Variants in MOV10L1 observed in about 807,000 individuals in gnomAD.
MOV10L1 encodes Mov10 like RNA helicase 1, also known as RNA helicase Mov10l1.
A neutral mutation model predicts 143.8 loss-of-function variants in MOV10L1; 110 were observed. That is an observed-to-expected ratio of 0.76 (90% CI 0.66 to 0.90). The LOEUF is 0.90. Among genes scored for constraint, MOV10L1 ranks in the 40% least tolerant of loss-of-function variants. The probability of loss-of-function intolerance (pLI) is 0.00; values close to 1 mark genes in which losing one functional copy is unlikely to be tolerated. For missense variants in MOV10L1, 1,406 were observed against 1,526.8 expected, an observed-to-expected ratio of 0.92 and a Z score of 1.32; for synonymous variants, 593 against 581.1, an observed-to-expected ratio of 1.02 and a Z score of -0.29.
At chr22:50,157,993 T>C in intron 22 of MOV10L1, 64 bp from the exon 23 acceptor site, 1 of 1,554,786 alleles carries the variant, frequency 6.4e-7, no homozygotes, top group Non-Finnish European at 8.7e-7. Context: ...CTTCAGCTCC[T>C]GGATTGTAGC....
intron 15 of MOV10L1, among the ~76,000 whole-genome samples, chr22:50,135,947 T>C (rs763265788): frequency 2.6e-5 from 4 of 152,184 alleles, no homozygotes; most frequent in Non-Finnish European, 5.9e-5. Context: ...TTTTGTGCTA[T>C]TCAAATTTGG....
At chr22:50,135,063 GAGTGCAGTGGTGCA>G (rs72028304) in intron 15 of MOV10L1, among the ~76,000 whole-genome samples, 33,992 of 151,468 alleles carry the variant, frequency 0.22, 4,172 homozygotes, top group Admixed American at 0.35. Flanking sequence ...ACCCAGGCTG[GAGTGCAGTGGTGCA>G]ATCTTGGCTC....
chr22:50,158,095 C>T lies in MOV10L1; in HGVS notation c.3105C>T (p.Phe1035=). The stretch of plus-strand genomic sequence containing the variant: ...GGGAGGGAAAAAGCCCATCGTGGTT[C>T]AACCCGGCCGAGGCCGTCCAGGTCC... The part of the protein sequence containing the change: ...EAREGKSPSW[F]NPAEAVQVLR... Residue 1035 remains phenylalanine (F), a synonymous_variant, in exon 23 of 27, where the codon TTC becomes TTT. Coordinates refer to ENST00000262794, the MANE Select transcript of MOV10L1 (RefSeq NM_018995.3). This position sits in a 1 kb window ranked among gnomAD's most constrained non-coding sequence, Gnocchi z 5.0. 1 of 1,614,182 alleles carries T rather than the reference C, an allele frequency of 6.2e-7. No homozygotes were observed. Among genetic ancestry groups the T allele is most frequent in the Non-Finnish European group, 8.5e-7 (1 of 1,180,012 alleles).
intron 5 of MOV10L1, among the ~76,000 whole-genome samples, chr22:50,109,440 C>T (rs192646869): frequency 9.2e-5 from 14 of 151,860 alleles, no homozygotes; most frequent in African/African-American, 2.4e-4. Flanking sequence ...GAGGCCGAGG[C>T]GGGTGAATCA....
intron 21 of MOV10L1, among the ~76,000 whole-genome samples, chr22:50,151,804 C>G (rs1018027838): frequency 6.6e-6 from 1 of 152,222 alleles, no homozygotes; most frequent in African/African-American, 2.4e-5. Flanking sequence ...CACCACACAG[C>G]CTTCAGGGCA....
At chr22:50,155,588 G>T (rs1282297414) in intron 22 of MOV10L1, among the ~76,000 whole-genome samples, 7 of 152,138 alleles carry the variant, frequency 4.6e-5, no homozygotes, top group Admixed American at 1.3e-4. Flanking sequence ...CAATTCTCAT[G>T]CTTCAGACTC....
intron 9 of MOV10L1, 67 bp downstream of exon 9, chr22:50,117,418 G>C: frequency 6.5e-7 from 1 of 1,534,738 alleles, no homozygotes; most frequent in Non-Finnish European, 8.8e-7. Flanking sequence ...AAGCGGACGT[G>C]CACTGGCAAG....
chr22:50,113,676 C>A lies in MOV10L1; in HGVS notation c.772C>A (p.His258Asn). The A allele has an allele frequency of 6.2e-7, 1 of 1,613,972 alleles. No individual in the cohort carries two copies. The highest frequency in any genetic ancestry group is 8.5e-7 in the Non-Finnish European group (1 of 1,179,986). ...RDAAPVHEAT[H>N]FYGTILLKNK... ...CGCCGCCCCTGTTCATGAGGCCACTCATTTCTATGGAACGATTTTGCTGAA... is the reference window on the plus strand; with the variant it reads ...CGCCGCCCCTGTTCATGAGGCCACTAATTTCTATGGAACGATTTTGCTGAA... Residue 258 changes from histidine to asparagine, a missense_variant, in exon 6 of 27, where the codon CAT becomes AAT. Coordinates refer to ENST00000262794, the MANE Select transcript of MOV10L1 (RefSeq NM_018995.3).
intron 5 of MOV10L1, 170 bp from the exon 6 acceptor site, chr22:50,113,478 C>G (rs147537504): frequency 1.2e-6 from 1 of 823,242 alleles, no homozygotes; most frequent in East Asian, 2.6e-5. Flanking sequence ...GCATCGTTCT[C>G]TTCCTTAGGG....
intron 3 of MOV10L1, among the ~76,000 whole-genome samples, chr22:50,099,856 G>A (rs1370865137): frequency 1.3e-5 from 2 of 152,112 alleles, no homozygotes; most frequent in African/African-American, 4.8e-5. Context: ...GATCAGTTTT[G>A]GGCATGCTTT....
chr22:50,155,191 G>T (rs998521915), intron 22 of MOV10L1, among the ~76,000 whole-genome samples: 1 of 151,232 alleles, frequency 6.6e-6, no homozygotes, highest in Non-Finnish European at 1.5e-5. Flanking sequence ...TAAGTTAATG[G>T]TTTAACAACA....
Position 50,136,153 on chromosome 22 carries a change from T to C in MOV10L1, c.2070+1523T>C, listed in dbSNP as rs191761083. The stretch of plus-strand genomic sequence containing the variant: ...AGTCATCTGTGGCATATTTCATAGT[T>C]GATCTCTTTTTTGTTCTGCAAATAG... On this transcript the variant is annotated intron_variant, in intron 15 of 26. Coordinates refer to ENST00000262794, the MANE Select transcript of MOV10L1 (RefSeq NM_018995.3). 2.6e-3 allele frequency among the ~76,000 whole-genome samples: 394 copies of C among 152,334 alleles called. 3 individuals are homozygous for C. The highest frequency in any genetic ancestry group is 8.8e-3 in the African/African-American group (366 of 41,574).
In MOV10L1 at chr22:50,144,265, TG is replaced by T. The variant is rs747044794; in HGVS notation, c.2505+28del. The T allele has an allele frequency of 1.6e-5, 26 of 1,580,270 alleles. No individual in the cohort carries two copies. In the African/African-American group the frequency reaches 3.2e-4, roughly 20 times the overall value. ...GGAGGTGAGCCCTTGGTGCAAGCAG[TG>T]GGGGGCACCAGAACCCCTCCCTGGA... is the stretch of plus-strand genomic sequence containing the variant. On this transcript the variant is annotated intron_variant, in intron 18 of 26. Coordinates refer to ENST00000262794, the MANE Select transcript of MOV10L1 (RefSeq NM_018995.3).
At chr22:50,150,497 G>A (rs1191484902) in intron 20 of MOV10L1, among the ~76,000 whole-genome samples, 3 of 152,056 alleles carry the variant, frequency 2.0e-5, no homozygotes, top group Admixed American at 6.6e-5. Flanking sequence ...AAACCAGGCT[G>A]CAGAAGCCGG....
intron 22 of MOV10L1, among the ~76,000 whole-genome samples, chr22:50,156,171 A>G (rs1050207692): frequency 2.0e-5 from 3 of 151,660 alleles, no homozygotes; most frequent in Admixed American, 6.6e-5. Context: ...GCTGGAGTAC[A>G]GTGGCATGAT....
intron 13 of MOV10L1, among the ~76,000 whole-genome samples, chr22:50,129,462 G>A (rs931144621): frequency 6.6e-5 from 10 of 152,194 alleles, no homozygotes; most frequent in Admixed American, 3.3e-4. Flanking sequence ...AGATGTCTCC[G>A]TGTTGTTGTA....
Position 50,090,169 on chromosome 22 carries a change from G to A in MOV10L1, c.81G>A (p.Glu27=). The A allele has an allele frequency of 7.0e-7, 1 of 1,420,674 alleles. No homozygotes were observed. Among genetic ancestry groups the A allele is most frequent in the Non-Finnish European group, 9.2e-7 (1 of 1,089,156 alleles). 88.0% of individuals were successfully genotyped at this position (1,420,674 alleles called of 1,614,324 possible). The change falls in exon 1 of 27, where the codon GAG becomes GAA. Residue 27 remains glutamate (E), a synonymous_variant. Coordinates refer to ENST00000262794, the MANE Select transcript of MOV10L1 (RefSeq NM_018995.3). The part of the protein sequence containing the change: ...DTPREEAGQL[E]PELAEGDTKL... ...CTAGGGAGGAAGCCGGGCAGCTGGA[G>A]CCCGAGCTCGCGGAAGGTGGCTCGC...
chr22:50,155,910 T>G (rs62239291), intron 22 of MOV10L1, among the ~76,000 whole-genome samples: 19,511 of 151,986 alleles, frequency 0.13, 1,508 homozygotes, highest in Admixed American at 0.21. Context: ...AATTATCCGG[T>G]CATGGTGGTG....
chr22:50,103,328 G>T (rs2061792810), intron 3 of MOV10L1, among the ~76,000 whole-genome samples: 1 of 152,198 alleles, frequency 6.6e-6, no homozygotes, highest in African/African-American at 2.4e-5. Flanking sequence ...CAGTGGTGGG[G>T]CTCAGGTTGT....
Sources: gnomAD v4.1 joint callset for allele counts (sites outside exome capture counted in the v4.1 genomes callset) on GRCh38, gnomAD v4.1.1 for gene constraint, Gnocchi (gnomAD v3.1) non-coding constraint, MANE v1.5 for transcripts, NCBI Gene and HGNC (gene_info 2026-07-23, HGNC 2026-07-21) for gene names.